Variants in TAF6 observed in about 807,000 individuals in gnomAD.
The protein encoded by TAF6 is transcription initiation factor TFIID subunit 6.
A neutral mutation model predicts 73.5 loss-of-function variants in TAF6; 50 were observed. That is an observed-to-expected ratio of 0.68 (90% CI 0.54 to 0.86). The LOEUF (loss-of-function observed/expected upper bound fraction) is 0.86. TAF6 is among the 40% of genes least tolerant of loss of function. The probability of loss-of-function intolerance (pLI) is 0.00; values close to 1 mark genes in which losing one functional copy is unlikely to be tolerated. For missense variants in TAF6, 768 were observed against 899.5 expected, an observed-to-expected ratio of 0.85 and a Z score of 1.87; for synonymous variants, 424 against 376.7, an observed-to-expected ratio of 1.13 and a Z score of -1.45.
At position 100,112,655 on chromosome 7, in the gene TAF6, C is replaced by T; in HGVS notation, c.574+143G>A. 9 of 1,190,396 alleles carry T rather than the reference C, an allele frequency of 7.6e-6. No homozygotes were observed. The South Asian group carries it at 1.3e-4, about 17-fold the overall frequency. 73.7% of individuals were successfully genotyped at this position (1,190,396 alleles called of 1,614,324 possible). A position where few individuals can be genotyped will look rare whatever the true frequency, so the allele number is the denominator to read the frequency against. On this transcript the variant is annotated intron_variant, in intron 6 of 14. Coordinates refer to ENST00000453269, the MANE Select transcript of TAF6 (RefSeq NM_139315.3). ...GCTTGAACCCTGGAGGTGGAGGTTG[C>T]AGTGAGCTGAGATCGTACCACTACA...
intron 14 of TAF6, 57 bp downstream of exon 14, chr7:100,107,869 G>T: frequency 1.3e-6 from 2 of 1,549,780 alleles, no homozygotes; most frequent in Non-Finnish European, 1.7e-6. Flanking sequence ...GCCTCCCCAG[G>T]GTGCTCTGAG....
chr7:100,119,064 G>C (rs560264859), intron 1 of TAF6, 140 bp downstream of exon 1: 120 of 986,032 alleles, frequency 1.2e-4, no homozygotes, highest in Non-Finnish European at 1.4e-4. Context: ...GTTAACTTAA[G>C]CGAGATCCCA....
Position 100,109,982 on chromosome 7 carries a change from C to T in TAF6, c.1250G>A (p.Arg417Gln), listed in dbSNP as rs757585206. The T allele has an allele frequency of 8.1e-6, 13 of 1,614,056 alleles. No homozygotes were observed. Among genetic ancestry groups the T allele is most frequent in the Non-Finnish European group, 4.2e-6 (5 of 1,180,044 alleles). Residue 417 changes from arginine to glutamine, a missense_variant, in exon 12 of 15, where the codon CGG becomes CAG. Around this residue, in one of 5 missense-constraint regions of TAF6, gnomAD observed 350 missense variants for 352.3 expected, o/e 0.99. Transcript: ENST00000453269. ...GCTCTGCACATGGTCTGCTCCAATC[C>T]GGTCAATGTTGCTCAGCACAGGGCC... is the stretch of plus-strand genomic sequence containing the variant. ...LDGPVLSNID[R>Q]IGADHVQSLL...
chr7:100,111,393 C>T, intron 9 of TAF6, 72 bp from the exon 10 acceptor site: 1 of 1,537,046 alleles, frequency 6.5e-7, no homozygotes, highest in East Asian at 2.3e-5. Context: ...TGCTCTGTCA[C>T]CCAGGCTGGT....
intron 11 of TAF6, 21 bp downstream of exon 11, chr7:100,110,179 T>C: frequency 6.2e-7 from 1 of 1,614,126 alleles, no homozygotes; most frequent in Non-Finnish European, 8.5e-7. Context: ...CTCCCCCATT[T>C]CTTCCTCCCA....
Position 100,112,787 on chromosome 7 carries a change from G to A in TAF6, c.574+11C>T. ...CAAGAGTCCAGAGAGGCCTAGCCTA[G>A]GAGGACTGACCTTTGCCGTCGGCTG... On this transcript the variant is annotated intron_variant, in intron 6 of 14. Transcript: ENST00000453269. 6.2e-7 allele frequency: 1 copy of A among 1,608,210 alleles called. No homozygotes were observed. The highest frequency in any genetic ancestry group is 2.2e-5 in the East Asian group (1 of 44,684).
At position 100,113,841 on chromosome 7, in the gene TAF6, C is replaced by T. The variant is rs4134900; in HGVS notation, c.243+27G>A. The T allele has an allele frequency of 1.0e-3, 1,621 of 1,608,126 alleles. 12 individuals are homozygous for T. Among genetic ancestry groups the T allele is most frequent in the East Asian group, 9.2e-3 (410 of 44,756 alleles). ...CCTGGCTGAAGGATGGCGTCTCACC[C>T]CCCCCCCGCCTGTCTCCCCAAATCA... On this transcript the variant is annotated intron_variant, in intron 3 of 14. Coordinates refer to ENST00000453269, the MANE Select transcript of TAF6 (RefSeq NM_139315.3).
chr7:100,122,230 T>C, upstream of TAF6: 1 of 1,611,672 alleles, frequency 6.2e-7, no homozygotes, highest in Non-Finnish European at 8.5e-7. Context: ...GTCTTTTACC[T>C]CCCCCCGGAC....
rs772894703 is a variant in TAF6 at position 100,108,363 on chromosome 7, G to A, written c.1458+4C>T. ...CTATTCCTCCTCCCCACCCGGCCACGGACCTGCGTGATGGTCAGAGTGGTC... is the reference window on the plus strand; with the variant it reads ...CTATTCCTCCTCCCCACCCGGCCACAGACCTGCGTGATGGTCAGAGTGGTC... On this transcript the variant is annotated splice_donor_region_variant and intron_variant, in intron 13 of 14. Transcript: ENST00000453269. 28 of 1,593,818 alleles carry A rather than the reference G, an allele frequency of 1.8e-5. 1 individual carries two copies. Among genetic ancestry groups the A allele is most frequent in the South Asian group, 8.9e-5 (8 of 90,102 alleles).
intron 4 of TAF6, 64 bp downstream of exon 4, chr7:100,113,552 C>A: frequency 6.3e-7 from 1 of 1,578,334 alleles, no homozygotes; most frequent in Admixed American, 1.8e-5. Context: ...TGAGGCTCCT[C>A]ACACCTACAC....
upstream of TAF6, chr7:100,120,335 G>A (rs1797997657): frequency 6.5e-6 from 1 of 153,074 alleles, no homozygotes; most frequent in African/African-American, 2.4e-5. Context: ...AGCCTTTGAA[G>A]CTCATAAACA....
At chr7:100,113,980 C>T in intron 2 of TAF6, 26 bp from the exon 3 acceptor site, 1 of 1,614,154 alleles carries the variant, frequency 6.2e-7, no homozygotes, top group Non-Finnish European at 8.5e-7. Context: ...GAACAGACAT[C>T]AGCCCAAAAT....
upstream of TAF6, chr7:100,122,092 C>A: frequency 1.5e-6 from 1 of 653,920 alleles, no homozygotes; most frequent in Non-Finnish European, 2.5e-6. Flanking sequence ...GCACAGCAAG[C>A]AGGAAGATTG....
chr7:100,122,726 A>C (rs1584588104), upstream of TAF6: 2 of 1,475,798 alleles, frequency 1.4e-6, no homozygotes, highest in Non-Finnish European at 1.8e-6. Flanking sequence ...AATGGCAGAA[A>C]GGGGAAGGGA....
At chr7:100,116,827 G>C (rs1797713129) in intron 1 of TAF6, among the ~76,000 whole-genome samples, 1 of 152,078 alleles carries the variant, frequency 6.6e-6, no homozygotes, top group Non-Finnish European at 1.5e-5. Flanking sequence ...AATAGCCTTT[G>C]CTGCATTCCC....
chr7:100,124,387 G>A (rs1798157586), upstream of TAF6: 1 of 688,240 alleles, frequency 1.5e-6, no homozygotes, highest in African/African-American at 1.8e-5. Context: ...TGCACATCTA[G>A]TAGGCCAAAC....
At position 100,111,964 on chromosome 7, in the gene TAF6, C is replaced by G; in HGVS notation, c.756G>C (p.Leu252=). Residue 252 remains leucine (L), a synonymous_variant, in exon 8 of 15, where the codon CTG becomes CTC. Transcript: ENST00000453269. ...TACTGAACCGTGGCAGCATCTGATA[C>G]AGTCCAGGGTCCGTGGCAATGCTTT... ...ALQSIATDPG[L]YQMLPRFSTF... is the part of the protein sequence containing the mutation. The G allele has an allele frequency of 6.2e-7, 1 of 1,614,054 alleles. No individual in the cohort carries two copies. Among genetic ancestry groups the G allele is most frequent in the Non-Finnish European group, 8.5e-7 (1 of 1,180,008 alleles).
chr7:100,112,130 C>G lies in TAF6; in HGVS notation c.698G>C (p.Gly233Ala), dbSNP rs759714011. The change falls in exon 7 of 15, where the codon GGC (glycine) becomes GCC (alanine). Residue 233 changes from glycine to alanine, a missense_variant. Transcript: ENST00000453269. ...CACCGCCCTCTTGGCCTCGCAGGAG[C>G]CCACGCAGGCCTCGGTGATCTCCTT... ...YYKEITEACV[G>A]SCEAKRAEAL... 3 of 1,613,844 alleles carry G rather than the reference C, an allele frequency of 1.9e-6. No individual in the cohort carries two copies. The highest frequency in any genetic ancestry group is 1.7e-5 in the Admixed American group (1 of 59,984).
chr7:100,114,218 C>A lies in TAF6; in HGVS notation c.-9G>T. On this transcript the variant is annotated 5_prime_UTR_variant, in exon 2 of 15. Transcript: ENST00000453269. ...TTCTTCTCCTCAGCCATTCTGGAGTCCCTCTTCTCCTCCCTGGAAGGATGA... is the reference window on the plus strand; with the variant it reads ...TTCTTCTCCTCAGCCATTCTGGAGTACCTCTTCTCCTCCCTGGAAGGATGA... 1 of 1,612,296 alleles carries A rather than the reference C, an allele frequency of 6.2e-7. No homozygotes were observed. Among genetic ancestry groups the A allele is most frequent in the Admixed American group, 1.7e-5 (1 of 59,928 alleles).
Sources: allele counts gnomAD v4.1 joint callset (sites outside exome capture counted in the v4.1 genomes callset), GRCh38; gene constraint gnomAD v4.1.1; regional missense constraint gnomAD v4.1.1; transcripts MANE v1.5; gene names NCBI Gene and HGNC (gene_info 2026-07-23, HGNC 2026-07-21).